CNTNAP5: variants seen among roughly 807,000 people sequenced by gnomAD.
CNTNAP5 encodes contactin associated protein family member 5, also known as contactin-associated protein-like 5.
CNTNAP5 carries 72 observed loss-of-function variants against 150.2 expected under a neutral mutation model. That is an observed-to-expected ratio of 0.48 (90% CI 0.40 to 0.58). CNTNAP5 has a LOEUF of 0.58. Among genes scored for constraint, CNTNAP5 ranks in the 20% least tolerant of loss-of-function variants. CNTNAP5 has a pLI of 0.00. For missense variants in CNTNAP5, 1,636 were observed against 1,626.2 expected, an observed-to-expected ratio of 1.01 and a Z score of -0.10; for synonymous variants, 672 against 619.8, an observed-to-expected ratio of 1.08 and a Z score of -1.25.
intron 3 of CNTNAP5, among the ~76,000 whole-genome samples, chr2:124,412,259 G>A (rs1691789356): frequency 6.8e-6 from 1 of 147,714 alleles, no homozygotes; most frequent in African/African-American, 2.5e-5. Context: ...AACATTCCAT[G>A]CTCATGGGTA....
At chr2:124,548,600 A>C (rs1695566140) in intron 10 of CNTNAP5, among the ~76,000 whole-genome samples, 1 of 152,206 alleles carries the variant, frequency 6.6e-6, no homozygotes, top group Non-Finnish European at 1.5e-5. Flanking sequence ...GCAATGTGCA[A>C]ACCAAATCTC....
chr2:124,330,708 A>G (rs970582271), intron 3 of CNTNAP5, among the ~76,000 whole-genome samples: 1 of 152,142 alleles, frequency 6.6e-6, no homozygotes, highest in Non-Finnish European at 1.5e-5. Context: ...AGTCTTAGAT[A>G]TTTCATCATA....
chr2:124,029,564 A>C (rs1011942175), intron 1 of CNTNAP5, among the ~76,000 whole-genome samples: 3 of 152,080 alleles, frequency 2.0e-5, no homozygotes, highest in African/African-American at 7.2e-5. Context: ...CAAAATTATG[A>C]AAAAATTAGT....
intron 21 of CNTNAP5, among the ~76,000 whole-genome samples, chr2:124,893,054 T>TGTATAGAATATAATATATA (rs1678232011): frequency 2.6e-5 from 4 of 152,074 alleles, no homozygotes; most frequent in African/African-American, 9.7e-5. Flanking sequence ...GATTGCTAAA[T>TGTATAGAATATAATATATA]TATGAAAAAC....
At chr2:124,738,607 T>C (rs1680435638) in intron 13 of CNTNAP5, among the ~76,000 whole-genome samples, 1 of 152,124 alleles carries the variant, frequency 6.6e-6, no homozygotes, top group Non-Finnish European at 1.5e-5. Flanking sequence ...GGCACACGCC[T>C]GTAGTCCCAG....
At chr2:124,145,840 A>AGAAAT (rs372133183) in intron 1 of CNTNAP5, among the ~76,000 whole-genome samples, 4 of 139,998 alleles carry the variant, frequency 2.9e-5, no homozygotes, top group Non-Finnish European at 6.2e-5. Context: ...AAGAAAAAAA[A>AGAAAT]AAAAAATAAA....
chr2:124,351,908 G>A (rs1689882652), intron 3 of CNTNAP5, among the ~76,000 whole-genome samples: 1 of 152,150 alleles, frequency 6.6e-6, no homozygotes, highest in Admixed American at 6.6e-5. Flanking sequence ...TTACATGGAG[G>A]AGTAAAAAGG....
At chr2:124,911,387 A>T in intron 22 of CNTNAP5, 80 bp from the exon 23 acceptor site, 1 of 1,009,008 alleles carries the variant, frequency 9.9e-7, no homozygotes, top group Non-Finnish European at 1.5e-6. Flanking sequence ...CAGGTGTGTC[A>T]TTCCAGGTGG....
At chr2:124,230,714 T>C (rs570549453) in intron 2 of CNTNAP5, among the ~76,000 whole-genome samples, 5 of 152,062 alleles carry the variant, frequency 3.3e-5, no homozygotes, top group African/African-American at 1.2e-4. Flanking sequence ...ATATTTTTAG[T>C]AGAGACAGGG....
At chr2:124,786,398 AGAAGGAAG>A (rs773411166) in intron 17 of CNTNAP5, among the ~76,000 whole-genome samples, 150 of 45,174 alleles carry the variant, frequency 3.3e-3, no homozygotes, top group Middle Eastern at 0.012. Context: ...AAAGAAAGAA[AGAAGGAAG>A]GAAGGAAGGA....
chr2:124,550,357 G>C lies in CNTNAP5; in HGVS notation c.1650-12860G>C, dbSNP rs540440671. On this transcript the variant is annotated intron_variant, in intron 10 of 23. Transcript: ENST00000682447. ...GCCAGCAGTTTTCTCATTCCCATAA[G>C]CTTATTATAAATGCGGAACCTCTGT... 1.4e-3 allele frequency among the ~76,000 whole-genome samples: 206 copies of C among 152,172 alleles called. 2 individuals are homozygous for C. Among genetic ancestry groups the C allele is most frequent in the African/African-American group, 4.9e-3 (202 of 41,504 alleles).
chr2:124,452,974 C>A (rs1460155326), intron 6 of CNTNAP5, among the ~76,000 whole-genome samples: 1 of 152,086 alleles, frequency 6.6e-6, no homozygotes, highest in African/African-American at 2.4e-5. Flanking sequence ...TGTTCTTTAA[C>A]ACCCCCCAAA....
At chr2:124,062,238 A>G (rs2104654674) in intron 1 of CNTNAP5, among the ~76,000 whole-genome samples, 1 of 152,334 alleles carries the variant, frequency 6.6e-6, no homozygotes, top group East Asian at 1.9e-4. Context: ...GCTTATATGA[A>G]CTGCTCCTAT....
intron 1 of CNTNAP5, among the ~76,000 whole-genome samples, chr2:124,180,776 C>A (rs922240793): frequency 1.4e-5 from 2 of 147,134 alleles, no homozygotes; most frequent in Non-Finnish European, 3.0e-5. Flanking sequence ...GAAAGCCCCC[C>A]CAATCTCCCC....
At chr2:124,745,801 C>T (rs1398498074) in intron 13 of CNTNAP5, among the ~76,000 whole-genome samples, 1 of 152,118 alleles carries the variant, frequency 6.6e-6, no homozygotes, top group Non-Finnish European at 1.5e-5. Flanking sequence ...AATCAGCACC[C>T]CTAAAATGCT....
At chr2:124,521,373 C>A (rs1183954926) in intron 8 of CNTNAP5, among the ~76,000 whole-genome samples, 1 of 152,014 alleles carries the variant, frequency 6.6e-6, no homozygotes, top group Non-Finnish European at 1.5e-5. Flanking sequence ...AAAGAAAGGG[C>A]AGACCAAAAA....
intron 22 of CNTNAP5, among the ~76,000 whole-genome samples, chr2:124,908,831 A>G (rs548625809): frequency 1.3e-5 from 2 of 152,234 alleles, no homozygotes; most frequent in African/African-American, 4.8e-5. Flanking sequence ...AGTTTTCAGG[A>G]AAAAAGTTTA....
At chr2:124,787,384 C>T (rs781043616) in intron 17 of CNTNAP5, among the ~76,000 whole-genome samples, 2 of 152,196 alleles carry the variant, frequency 1.3e-5, no homozygotes, top group Non-Finnish European at 2.9e-5. Context: ...GATTTACTTA[C>T]CAAAATTGAG....
intron 19 of CNTNAP5, among the ~76,000 whole-genome samples, chr2:124,858,511 T>A (rs1303537626): frequency 6.6e-6 from 1 of 152,194 alleles, no homozygotes; most frequent in African/African-American, 2.4e-5. Context: ...GTGAAGGACC[T>A]CTTCAAGGAG....
Sources: allele counts gnomAD v4.1 joint callset (sites outside exome capture counted in the v4.1 genomes callset), GRCh38; gene constraint gnomAD v4.1.1; transcripts MANE v1.5; gene names NCBI Gene and HGNC (gene_info 2026-07-23, HGNC 2026-07-21).